STAB2: variants seen among roughly 807,000 people sequenced by gnomAD.
The protein encoded by STAB2 is stabilin 2.
In STAB2, 288 loss-of-function variants were observed where a neutral mutation model predicts 338.1. The observed-to-expected ratio is 0.85, with a 90% CI of 0.77 to 0.94. The LOEUF (loss-of-function observed/expected upper bound fraction) is 0.94, where lower values mean the gene tolerates loss of function less well. STAB2 is among the 40% of genes least tolerant of loss of function. STAB2 has a pLI of 0.00. For synonymous variants in STAB2, 1,202 were observed against 1,193.3 expected (o/e 1.01, Z -0.15); for missense variants, 3,141 against 3,210.1 (o/e 0.98, Z 0.52).
Position 103,706,917 on chromosome 12 carries a change from T to C in STAB2, c.4122T>C (p.Cys1374=). ...DGVNGTGVCE[C]GEGFSGTACE... ...TGAATGGCACAGGTGTGTGTGAGTG[T>C]GGGGAGGGCTTCAGCGGCACAGCCT... Residue 1374 remains cysteine, a synonymous_variant, in exon 38 of 69, where the codon TGT becomes TGC. Coordinates refer to ENST00000388887, the MANE Select transcript of STAB2 (RefSeq NM_017564.10). 6.2e-7 allele frequency: 1 copy of C among 1,614,164 alleles called. No homozygotes were observed. The highest frequency in any genetic ancestry group is 1.3e-5 in the African/African-American group (1 of 75,018).
chr12:103,743,023 CTTTTTTTTT>C, intron 56 of STAB2, among the ~76,000 whole-genome samples: 1 of 134,730 alleles, frequency 7.4e-6, no homozygotes, highest in South Asian at 2.3e-4. Flanking sequence ...ATTTTTTTTT[CTTTTTTTTT>C]TTTTTTTGAG....
At chr12:103,649,915 G>A (rs1441101703) in intron 10 of STAB2, among the ~76,000 whole-genome samples, 2 of 152,046 alleles carry the variant, frequency 1.3e-5, no homozygotes, top group Non-Finnish European at 2.9e-5. Context: ...CCATGACAAA[G>A]TCCTTATACA....
chr12:103,668,969 T>C (rs987906399), intron 20 of STAB2: 1 of 414,270 alleles, frequency 2.4e-6, no homozygotes, highest in Admixed American at 4.0e-5. Flanking sequence ...CTTCCCCACA[T>C]GGCCCACCCT....
intron 6 of STAB2, among the ~76,000 whole-genome samples, chr12:103,636,703 C>T (rs1416179457): frequency 6.6e-6 from 1 of 152,142 alleles, no homozygotes; most frequent in Non-Finnish European, 1.5e-5. Flanking sequence ...CCAACTTGTT[C>T]ACTTTGCAAG....
chr12:103,686,246 C>G (rs543838937), intron 27 of STAB2, among the ~76,000 whole-genome samples: 19 of 152,186 alleles, frequency 1.2e-4, no homozygotes, highest in Non-Finnish European at 2.5e-4. Context: ...GCCCTAAGAA[C>G]CTTGCCCTTG....
chr12:103,645,409 A>G (rs564043322), intron 9 of STAB2, among the ~76,000 whole-genome samples: 294 of 152,354 alleles, frequency 1.9e-3, no homozygotes, highest in African/African-American at 6.7e-3. Flanking sequence ...AATCCTTAGG[A>G]AAGAAAGGCC....
intron 5 of STAB2, among the ~76,000 whole-genome samples, chr12:103,623,983 TC>T (rs1434626736): frequency 1.3e-5 from 2 of 152,162 alleles, no homozygotes; most frequent in East Asian, 3.8e-4. Flanking sequence ...GATCCACGTC[TC>T]CCAAAAAGGA....
At chr12:103,751,907 A>G (rs1331077886) in intron 60 of STAB2, among the ~76,000 whole-genome samples, 2 of 152,212 alleles carry the variant, frequency 1.3e-5, no homozygotes, top group Non-Finnish European at 2.9e-5. Context: ...GGTTACCATT[A>G]GCTTGGGAGA....
rs746149459 is a variant in STAB2, at chr12:103,670,804, A to C, written c.2368A>C (p.Lys790Gln). 1.9e-6 allele frequency: 3 copies of C among 1,613,196 alleles called. No individual in the cohort carries two copies. Among genetic ancestry groups the C allele is most frequent in the Non-Finnish European group, 2.5e-6 (3 of 1,179,458 alleles). Residue 790 changes from lysine (K) to glutamine (Q), a missense_variant, in exon 22 of 69, where the codon AAA becomes CAA. Physicochemically the swap from Lys to Gln is moderately conservative, Grantham distance 53. Transcript: ENST00000388887. Reference sequence around the variant, plus strand: ...CAATAAATACGGACCTCGGTGTAACAAAAGTAAGTGGCACTTCCAGAGCTT... The same window carrying C: ...CAATAAATACGGACCTCGGTGTAACCAAAGTAAGTGGCACTTCCAGAGCTT... ...DPNKYGPRCNKKCLCVHGTCN... is the reference protein window; with the variant it reads ...DPNKYGPRCNQKCLCVHGTCN...
In STAB2 at chr12:103,746,686, G is replaced by A. The variant is rs1241979023; in HGVS notation, c.6226G>A (p.Asp2076Asn). 5 of 1,613,960 alleles carry A rather than the reference G, an allele frequency of 3.1e-6. No homozygotes were observed. The African/African-American group carries it at 5.3e-5, about 17-fold the overall frequency. The stretch of plus-strand genomic sequence containing the variant: ...TGAGTGTAACCTGGATTATGAAGGT[G>A]ACGGAATCACATGCACAGGTAAGCC... Reference protein sequence around the residue: ...TCECNLDYEGDGITCTVVDFC... With the variant: ...TCECNLDYEGNGITCTVVDFC... The change falls in exon 58 of 69, where the codon GAC becomes AAC. Residue 2076 changes from aspartate to asparagine, a missense_variant. Asp to Asn is a conservative substitution (Grantham distance 23). Coordinates refer to ENST00000388887, the MANE Select transcript of STAB2 (RefSeq NM_017564.10).
chr12:103,610,528 G>A (rs1316158579), intron 3 of STAB2, among the ~76,000 whole-genome samples: 1 of 152,114 alleles, frequency 6.6e-6, no homozygotes. Flanking sequence ...GGGATCGGTG[G>A]TGATATCGCC....
At position 103,587,476 on chromosome 12, in the gene STAB2, C is replaced by T; in HGVS notation, c.-1C>T. ...CACAGAGAAGGAGCAAATATTTCCT[C>T]ATGATGCTACAACATTTAGTAATTT... On this transcript the variant is annotated 5_prime_UTR_variant, in exon 1 of 69. Transcript: ENST00000388887. The T allele has an allele frequency of 6.2e-7, 1 of 1,613,088 alleles. No homozygotes were observed. The highest frequency in any genetic ancestry group is 8.5e-7 in the Non-Finnish European group (1 of 1,179,370).
chr12:103,715,084 A>T (rs914287065), intron 42 of STAB2, among the ~76,000 whole-genome samples: 3 of 152,192 alleles, frequency 2.0e-5, no homozygotes, highest in African/African-American at 7.2e-5. Flanking sequence ...ACACATGGGA[A>T]TAATATCCTC....
chr12:103,641,137 A>G (rs1053068328), intron 9 of STAB2, among the ~76,000 whole-genome samples: 2 of 152,262 alleles, frequency 1.3e-5, no homozygotes, highest in Non-Finnish European at 2.9e-5. Context: ...ATAGCATGAT[A>G]AAACAGTTTC....
At chr12:103,728,077 A>G (rs1361664153) in intron 47 of STAB2, among the ~76,000 whole-genome samples, 1 of 152,230 alleles carries the variant, frequency 6.6e-6, no homozygotes, top group Non-Finnish European at 1.5e-5. Context: ...ATAATTCAAA[A>G]TAAAAAGCCA....
In STAB2 at chr12:103,695,818, A is replaced by C. The variant is rs772496668; in HGVS notation, c.3556A>C (p.Ile1186Leu). 1.2e-6 allele frequency: 2 copies of C among 1,614,214 alleles called. No individual in the cohort carries two copies. Among genetic ancestry groups the C allele is most frequent in the Non-Finnish European group, 1.7e-6 (2 of 1,180,014 alleles). Residue 1186 changes from isoleucine to leucine, a missense_variant, in exon 33 of 69, where the codon ATC (isoleucine) becomes CTC (leucine). Transcript: ENST00000388887. ...APNNNAIENYIREKKVLSLEE... is the reference protein window; with the variant it reads ...APNNNAIENYLREKKVLSLEE... ...AAACAACAATGCCATCGAGAATTAC[A>C]TCAGGGAGAAGAAAGTCTTGTCTCT...
At chr12:103,624,816 A>T (rs34689281) in intron 5 of STAB2, among the ~76,000 whole-genome samples, 23,679 of 151,662 alleles carry the variant, frequency 0.16, 2,023 homozygotes, top group Admixed American at 0.21. Context: ...TGCGCACCTG[A>T]AATCCCAGCT....
In STAB2 at chr12:103,677,467, A is replaced by G. The variant is rs1876488110; in HGVS notation, c.2661A>G (p.Lys887=). The G allele has an allele frequency of 6.2e-7, 1 of 1,612,290 alleles. No individual in the cohort carries two copies. The highest frequency in any genetic ancestry group is 8.5e-7 in the Non-Finnish European group (1 of 1,178,474). Residue 887 remains lysine (K), a synonymous_variant, in exon 25 of 69, where the codon AAA becomes AAG. Coordinates refer to ENST00000388887, the MANE Select transcript of STAB2 (RefSeq NM_017564.10). ...GGCSRNAECI[K]TGTGTHTCVC... ...TCCTCCTGCAGGCAGAATGCATCAAAACTGGCACGGGCACCCACACCTGCG... is the reference window on the plus strand; with the variant it reads ...TCCTCCTGCAGGCAGAATGCATCAAGACTGGCACGGGCACCCACACCTGCG...
chr12:103,651,362 G>A (rs180792622), intron 11 of STAB2, among the ~76,000 whole-genome samples: 10 of 141,004 alleles, frequency 7.1e-5, no homozygotes, highest in African/African-American at 2.7e-4. Flanking sequence ...CACCCAAGCT[G>A]GAGTGCAGTG....
Sources: gnomAD v4.1 joint callset for allele counts (sites outside exome capture counted in the v4.1 genomes callset) on GRCh38, gnomAD v4.1.1 for gene constraint, MANE v1.5 for transcripts, NCBI Gene and HGNC (gene_info 2026-07-23, HGNC 2026-07-21) for gene names.